Variants in RGS6 observed in about 807,000 individuals in gnomAD.
The protein encoded by RGS6 is regulator of G protein signaling 6, also known as regulator of G-protein signaling 6.
In RGS6, 30 loss-of-function variants were observed where a neutral mutation model predicts 78.5. That is an observed-to-expected ratio of 0.38 (90% CI 0.29 to 0.52). The LOEUF (loss-of-function observed/expected upper bound fraction) is 0.52. Among genes scored for constraint, RGS6 ranks in the 20% least tolerant of loss-of-function variants. The probability of loss-of-function intolerance (pLI) is 0.85; values close to 1 mark genes in which losing one functional copy is unlikely to be tolerated. For missense variants in RGS6, 495 were observed against 609.7 expected (o/e 0.81, Z 1.98); for synonymous variants, 206 against 206.0 (o/e 1.00, Z 0.00).
intron 2 of RGS6, among the ~76,000 whole-genome samples, chr14:72,210,839 A>T (rs1016932031): frequency 6.6e-6 from 1 of 151,718 alleles, no homozygotes; most frequent in Non-Finnish European, 1.5e-5. Context: ...TTTTTTTTTA[A>T]ACCATCATAT....
chr14:72,077,189 T>C (rs1197072126), intron 2 of RGS6, among the ~76,000 whole-genome samples: 2 of 151,958 alleles, frequency 1.3e-5, no homozygotes, highest in African/African-American at 4.8e-5. Context: ...TGATTTGTAA[T>C]TATTTATTGG....
At chr14:72,107,030 G>A (rs2095648203) in intron 2 of RGS6, among the ~76,000 whole-genome samples, 1 of 152,148 alleles carries the variant, frequency 6.6e-6, no homozygotes, top group South Asian at 2.1e-4. Context: ...TCGATTGAGA[G>A]AAGCATAATG....
intron 2 of RGS6, among the ~76,000 whole-genome samples, chr14:72,093,328 A>G (rs1443817970): frequency 6.6e-6 from 1 of 151,776 alleles, no homozygotes; most frequent in Non-Finnish European, 1.5e-5. Context: ...TGCAGCCTCT[A>G]CCTCCCCGGG....
At chr14:72,194,487 C>T (rs2039527334) in intron 2 of RGS6, among the ~76,000 whole-genome samples, 2 of 152,082 alleles carry the variant, frequency 1.3e-5, no homozygotes, top group Non-Finnish European at 2.9e-5. Context: ...TCCTCTGGCC[C>T]CAGCCTCCCA....
At chr14:72,470,706 C>A (rs1183032727) in intron 8 of RGS6, among the ~76,000 whole-genome samples, 2 of 151,910 alleles carry the variant, frequency 1.3e-5, no homozygotes, top group Non-Finnish European at 2.9e-5. Context: ...ATGGTGAAAC[C>A]CCGTCTCTAC....
At chr14:71,906,644 A>G in the RGS6 span, among the ~76,000 whole-genome samples, 225 of 152,280 alleles carry the variant, frequency 1.5e-3, 1 homozygote, top group African/African-American at 5.2e-3. Flanking sequence ...CCAAGACTTC[A>G]TCTGGACTGA....
chr14:72,295,248 G>C (rs544019146), intron 2 of RGS6, among the ~76,000 whole-genome samples: 2 of 147,420 alleles, frequency 1.4e-5, no homozygotes, highest in Non-Finnish European at 3.0e-5. Flanking sequence ...CCGAGATCCC[G>C]CCACTGCACT....
chr14:72,503,590 G>A (rs1305899121), intron 13 of RGS6, among the ~76,000 whole-genome samples: 1 of 152,040 alleles, frequency 6.6e-6, no homozygotes, highest in Non-Finnish European at 1.5e-5. Context: ...GAGAGAGAGA[G>A]AGAAATAGGA....
intron 2 of RGS6, among the ~76,000 whole-genome samples, chr14:72,135,080 A>G (rs2096410363): frequency 6.6e-6 from 1 of 152,132 alleles, no homozygotes; most frequent in Admixed American, 6.6e-5. Flanking sequence ...AACCATCACA[A>G]TATGCTTCAC....
At chr14:72,616,532 C>T in the RGS6 span, among the ~76,000 whole-genome samples, 97,597 of 152,020 alleles carry the variant, frequency 0.64, 32,423 homozygotes, top group East Asian at 0.99. Flanking sequence ...GGAAAACATC[C>T]GGAGTTCTTC....
At chr14:71,891,763 A>G in the RGS6 span, among the ~76,000 whole-genome samples, 5 of 152,174 alleles carry the variant, frequency 3.3e-5, no homozygotes, top group African/African-American at 1.2e-4. Context: ...TACAAAGTGC[A>G]TGTTTAACTC....
the RGS6 span, among the ~76,000 whole-genome samples, chr14:71,905,036 C>T: frequency 6.6e-6 from 1 of 152,144 alleles, no homozygotes; most frequent in South Asian, 2.1e-4. Context: ...TTTAATAACA[C>T]TCTTAGCTGG....
chr14:71,919,916 C>T, the RGS6 span, among the ~76,000 whole-genome samples: 1 of 152,084 alleles, frequency 6.6e-6, no homozygotes, highest in Non-Finnish European at 1.5e-5. Flanking sequence ...ATCATTTGAA[C>T]CCAGGAGGTG....
chr14:72,342,725 CAAAAAAAAAAA>C (rs58717636), intron 2 of RGS6, among the ~76,000 whole-genome samples: 2 of 71,412 alleles, frequency 2.8e-5, no homozygotes, highest in African/African-American at 5.9e-5. Flanking sequence ...GGCTTTGTCT[CAAAAAAAAAAA>C]AAAAAAAAAA....
chr14:72,338,627 C>A (rs1163323688), intron 2 of RGS6, among the ~76,000 whole-genome samples: 1 of 152,192 alleles, frequency 6.6e-6, no homozygotes, highest in African/African-American at 2.4e-5. Context: ...GTTAAATGAT[C>A]ATATTTTGCC....
intron 2 of RGS6, among the ~76,000 whole-genome samples, chr14:72,066,760 A>C (rs1239386614): frequency 6.6e-6 from 1 of 152,042 alleles, no homozygotes; most frequent in African/African-American, 2.4e-5. Context: ...ACACTACTGA[A>C]TAATTATATA....
At chr14:72,066,340 C>T (rs751768183) in intron 2 of RGS6, among the ~76,000 whole-genome samples, 13 of 152,010 alleles carry the variant, frequency 8.6e-5, no homozygotes, top group Non-Finnish European at 1.5e-4. Flanking sequence ...AAGGTTTTTA[C>T]GTCTATATAT....
the RGS6 span, among the ~76,000 whole-genome samples, chr14:71,910,576 G>T: frequency 6.6e-6 from 1 of 152,170 alleles, no homozygotes; most frequent in Non-Finnish European, 1.5e-5. Flanking sequence ...TGTTTCAGGG[G>T]TCTGCCCCTA....
chr14:72,612,731 T>G, the RGS6 span: 1 of 417,932 alleles, frequency 2.4e-6, no homozygotes, highest in Non-Finnish European at 4.8e-6. Context: ...ATTGAGACTT[T>G]TGAAGTACCC....
Sources: gnomAD v4.1 joint callset for allele counts (sites outside exome capture counted in the v4.1 genomes callset) on GRCh38, gnomAD v4.1.1 for gene constraint, MANE v1.5 for transcripts, NCBI Gene and HGNC (gene_info 2026-07-23, HGNC 2026-07-21) for gene names.